The following PTPRD variants were observed in gnomAD, a reference collection of about 807,000 sequenced individuals.
The protein encoded by PTPRD is receptor-type tyrosine-protein phosphatase delta.
PTPRD carries 34 observed loss-of-function variants against 214.5 expected under a neutral mutation model. The observed-to-expected ratio is 0.16, with a 90% confidence interval of 0.12 to 0.21. The LOEUF is 0.21. PTPRD is among the 10% of genes least tolerant of loss of function. The pLI, the probability that PTPRD is intolerant of heterozygous loss-of-function variation, is 1.00. For synonymous variants in PTPRD, 1,128 were observed against 845.7 expected, an observed-to-expected ratio of 1.33 and a Z score of -5.79; for missense variants, 2,545 against 2,398.7, an observed-to-expected ratio of 1.06 and a Z score of -1.27.
chr9:10,444,593 C>T (rs1359721051), intron 2 of PTPRD, among the ~76,000 whole-genome samples: 1 of 151,446 alleles, frequency 6.6e-6, no homozygotes, highest in African/African-American at 2.4e-5. Flanking sequence ...TACATGCCTA[C>T]TATGACAATT....
At chr9:9,423,871 T>C (rs1029158283) in intron 8 of PTPRD, among the ~76,000 whole-genome samples, 8 of 151,984 alleles carry the variant, frequency 5.3e-5, no homozygotes, top group Non-Finnish European at 1.2e-4. Flanking sequence ...CAGAAAAAAA[T>C]ACAAAACTTA....
At chr9:9,929,855 G>C (rs2085765181) in intron 5 of PTPRD, among the ~76,000 whole-genome samples, 1 of 152,170 alleles carries the variant, frequency 6.6e-6, no homozygotes. Flanking sequence ...GAGAATATGA[G>C]TTATTTTGAA....
intron 5 of PTPRD, among the ~76,000 whole-genome samples, chr9:9,784,137 T>G (rs1035931518): frequency 6.6e-6 from 1 of 152,146 alleles, no homozygotes; most frequent in Admixed American, 6.5e-5. Flanking sequence ...ATATTTGCTG[T>G]TAATGTTTAT....
At chr9:10,584,525 T>C (rs2073250945) in intron 2 of PTPRD, among the ~76,000 whole-genome samples, 1 of 152,184 alleles carries the variant, frequency 6.6e-6, no homozygotes. Context: ...CTGACATTTC[T>C]GATTCTTTGA....
chr9:9,605,473 G>T (rs1441759413), intron 7 of PTPRD, among the ~76,000 whole-genome samples: 2 of 151,834 alleles, frequency 1.3e-5, no homozygotes, highest in East Asian at 3.9e-4. Flanking sequence ...ATAAATTTTT[G>T]GTTTCTTTAT....
chr9:9,070,292 A>G (rs1194823890), intron 10 of PTPRD, among the ~76,000 whole-genome samples: 1 of 152,208 alleles, frequency 6.6e-6, no homozygotes, highest in Non-Finnish European at 1.5e-5. Flanking sequence ...CCAGTTTTAC[A>G]TAAGGCGTCT....
chr9:8,959,923 A>G (rs980123595), intron 11 of PTPRD, among the ~76,000 whole-genome samples: 1 of 152,058 alleles, frequency 6.6e-6, no homozygotes, highest in Admixed American at 6.6e-5. Context: ...TTCATCGAGT[A>G]CCTCACCTAT....
intron 10 of PTPRD, among the ~76,000 whole-genome samples, chr9:9,032,934 C>T (rs1242025867): frequency 1.3e-5 from 2 of 152,072 alleles, no homozygotes; most frequent in African/African-American, 2.4e-5. Context: ...CTAGGGAAAC[C>T]TCTCTGTACG....
intron 14 of PTPRD, among the ~76,000 whole-genome samples, chr9:8,557,953 T>G (rs1033064029): frequency 3.1e-4 from 47 of 152,056 alleles, no homozygotes; most frequent in African/African-American, 1.1e-3. Flanking sequence ...TTTGTCTCCT[T>G]TAAGCCACCA....
chr9:10,475,200 AT>A (rs979343792), intron 2 of PTPRD, among the ~76,000 whole-genome samples: 1 of 151,806 alleles, frequency 6.6e-6, no homozygotes, highest in East Asian at 1.9e-4. Context: ...CCAGGAGCGG[AT>A]TTTTTTGAAA....
chr9:8,650,128 G>C lies in PTPRD; in HGVS notation c.65-13284C>G, dbSNP rs115537504. Reference sequence around the variant, plus strand: ...AGATGGGGTCTAGCTATGTTGCTCAGACTGGTCTCAAATTCCTGGGCTCAA... The same window carrying C: ...AGATGGGGTCTAGCTATGTTGCTCACACTGGTCTCAAATTCCTGGGCTCAA... On this transcript the variant is annotated intron_variant, in intron 12 of 45. Transcript: ENST00000381196. Among the ~76,000 whole-genome samples, 669 of 152,172 alleles carry C rather than the reference G, an allele frequency of 4.4e-3. 6 individuals are homozygous for C. Among genetic ancestry groups the C allele is most frequent in the African/African-American group, 0.015 (641 of 41,550 alleles).
At chr9:8,692,437 T>C (rs2097827295) in intron 12 of PTPRD, among the ~76,000 whole-genome samples, 1 of 152,180 alleles carries the variant, frequency 6.6e-6, no homozygotes. Context: ...AGCCTAGAGG[T>C]GGCACCACTC....
intron 33 of PTPRD, among the ~76,000 whole-genome samples, chr9:8,453,869 T>G (rs963618924): frequency 6.6e-6 from 1 of 152,196 alleles, no homozygotes; most frequent in Non-Finnish European, 1.5e-5. Flanking sequence ...TGGAAACCAC[T>G]GGAATATGGC....
intron 7 of PTPRD, among the ~76,000 whole-genome samples, chr9:9,678,078 C>T (rs1162032955): frequency 6.6e-6 from 1 of 152,188 alleles, no homozygotes; most frequent in East Asian, 1.9e-4. Context: ...AGGATACAAA[C>T]AAATGGAAGA....
intron 5 of PTPRD, among the ~76,000 whole-genome samples, chr9:9,900,509 G>C (rs1414923987): frequency 1.3e-5 from 2 of 152,060 alleles, no homozygotes; most frequent in Non-Finnish European, 2.9e-5. Flanking sequence ...ATTTCTATCA[G>C]CATTTTGGTC....
At chr9:9,300,607 A>G (rs1180969816) in intron 9 of PTPRD, among the ~76,000 whole-genome samples, 1 of 151,724 alleles carries the variant, frequency 6.6e-6, no homozygotes, top group Non-Finnish European at 1.5e-5. Flanking sequence ...GAATGGGATT[A>G]GTGTCCTTAT....
At chr9:9,431,681 T>G (rs1161879615) in intron 8 of PTPRD, among the ~76,000 whole-genome samples, 1 of 151,886 alleles carries the variant, frequency 6.6e-6, no homozygotes, top group Non-Finnish European at 1.5e-5. Flanking sequence ...TAGACTGGTT[T>G]AAGAAAATGT....
chr9:9,631,791 A>T (rs2095603407), intron 7 of PTPRD, among the ~76,000 whole-genome samples: 1 of 152,190 alleles, frequency 6.6e-6, no homozygotes, highest in Non-Finnish European at 1.5e-5. Context: ...AAAAATAATC[A>T]GAGCCTCATT....
At position 9,168,340 on chromosome 9, in the gene PTPRD, AT is replaced by A. The variant is rs575567389; in HGVS notation, c.-143+14963del. On this transcript the variant is annotated intron_variant, in intron 10 of 45. Transcript: ENST00000381196. The stretch of plus-strand genomic sequence containing the variant: ...CAATTTACTTTTTTAACATTTATTC[AT>A]TTTTTTATCTTGCCTTTTTAACCTT... Among the ~76,000 whole-genome samples the A allele has an allele frequency of 1.2e-3, 188 of 152,010 alleles. 1 individual carries two copies. Among genetic ancestry groups the A allele is most frequent in the African/African-American group, 4.3e-3 (177 of 41,470 alleles).
Sources: allele counts gnomAD v4.1 joint callset (sites outside exome capture counted in the v4.1 genomes callset), GRCh38; gene constraint gnomAD v4.1.1; transcripts MANE v1.5; gene names NCBI Gene and HGNC (gene_info 2026-07-23, HGNC 2026-07-21).